TRPC5: variants seen among roughly 807,000 people sequenced by gnomAD.
TRPC5 encodes the protein transient receptor potential cation channel subfamily C member 5.
In TRPC5, 9 loss-of-function variants were observed where a neutral mutation model predicts 56.5. The observed-to-expected ratio is 0.16, with a 90% confidence interval of 0.10 to 0.28. The LOEUF (loss-of-function observed/expected upper bound fraction) is 0.28, where lower values mean the gene tolerates loss of function less well. TRPC5 is among the 10% of genes least tolerant of loss of function. The pLI, the probability that TRPC5 is intolerant of heterozygous loss-of-function variation, is 1.00. For synonymous variants in TRPC5, 282 were observed against 278.5 expected (o/e 1.01, Z -0.13); for missense variants, 469 against 748.9 (o/e 0.63, Z 4.36).
intron 7 of TRPC5, among the ~76,000 whole-genome samples, chrX:111,820,626 A>G (rs1225718455): frequency 8.9e-6 from 1 of 111,824 alleles, no homozygotes; most frequent in Non-Finnish European, 1.9e-5. Flanking sequence ...GGTAGTTGAG[A>G]CAGAGTCCAC....
At chrX:111,881,108 G>GT (rs954948393) in intron 3 of TRPC5, among the ~76,000 whole-genome samples, 3 of 110,442 alleles carry the variant, frequency 2.7e-5, no homozygotes, top group African/African-American at 6.6e-5. Context: ...GGAATGCTAT[G>GT]TTTTTTTGTT....
chrX:111,996,174 G>A (rs1165905106), intron 1 of TRPC5, among the ~76,000 whole-genome samples: 2 of 111,905 alleles, frequency 1.8e-5, no homozygotes, highest in Non-Finnish European at 3.8e-5. Context: ...AGAGATTCTG[G>A]TACATTGTGT....
chrX:111,989,675 C>G (rs1366278103), intron 1 of TRPC5, among the ~76,000 whole-genome samples: 6 of 111,863 alleles, frequency 5.4e-5, no homozygotes, highest in African/African-American at 2.0e-4. Flanking sequence ...GCAGTTCTCT[C>G]TCCATAAAGC....
At chrX:111,825,142 CCTTCCTTTCTTT>C (rs1337730527) in intron 7 of TRPC5, among the ~76,000 whole-genome samples, 1,272 of 77,882 alleles carry the variant, frequency 0.016, 23 homozygotes, top group Non-Finnish European at 0.022. Context: ...TTCCTTCCTT[CCTTCCTTTCTTT>C]CTTTCTTTCT....
chrX:111,996,241 A>G (rs184392080), intron 1 of TRPC5, among the ~76,000 whole-genome samples: 37 of 111,508 alleles, frequency 3.3e-4, no homozygotes, highest in African/African-American at 1.2e-3. Context: ...TTCCTTATTT[A>G]CCCAGTAGTC....
intron 1 of TRPC5, among the ~76,000 whole-genome samples, chrX:111,964,858 C>T (rs1455032050): frequency 8.9e-6 from 1 of 111,818 alleles, no homozygotes; most frequent in African/African-American, 3.3e-5. Context: ...CGGTACCAGC[C>T]ACTGCAAAAA....
At chrX:112,008,544 G>C (rs371761119) in intron 1 of TRPC5, among the ~76,000 whole-genome samples, 2 of 107,587 alleles carry the variant, frequency 1.9e-5, no homozygotes, top group African/African-American at 6.8e-5. Flanking sequence ...AGCTTGCAGT[G>C]AGCCAAGATT....
At chrX:112,013,054 C>A (rs760808585) in intron 1 of TRPC5, among the ~76,000 whole-genome samples, 1 of 112,250 alleles carries the variant, frequency 8.9e-6, no homozygotes, top group African/African-American at 3.2e-5. Context: ...GGCTTCAGTA[C>A]ATTTTGTATT....
chrX:112,010,651 A>G (rs997917438), intron 1 of TRPC5, among the ~76,000 whole-genome samples: 4 of 111,574 alleles, frequency 3.6e-5, no homozygotes, highest in African/African-American at 1.3e-4. Flanking sequence ...TAATTTATAT[A>G]TAATAAAAAT....
chrX:111,950,324 CA>C (rs759300275), intron 2 of TRPC5, among the ~76,000 whole-genome samples: 51 of 94,415 alleles, frequency 5.4e-4, no homozygotes, highest in Admixed American at 4.7e-4. Flanking sequence ...GACTCCATCT[CA>C]AAAAAAAAAA....
At chrX:112,069,777 G>C (rs1346546996) in intron 1 of TRPC5, among the ~76,000 whole-genome samples, 2 of 111,432 alleles carry the variant, frequency 1.8e-5, no homozygotes, top group African/African-American at 6.5e-5. Context: ...GAGTCTCAAG[G>C]GAGCCAAACC....
chrX:111,973,450 T>C (rs1403764125), intron 1 of TRPC5, among the ~76,000 whole-genome samples: 1 of 112,282 alleles, frequency 8.9e-6, no homozygotes, highest in Admixed American at 9.4e-5. Flanking sequence ...ATAATATTTT[T>C]CCTCTGGAGA....
chrX:112,043,687 G>C lies in TRPC5; in HGVS notation c.-22+38192C>G, dbSNP rs377271786. Reference sequence around the variant, plus strand: ...AAGCTAGAGATAGGGAACTCAAGAGGAGAAATGTCCTTGCCTACTATTTCC... The same window carrying C: ...AAGCTAGAGATAGGGAACTCAAGAGCAGAAATGTCCTTGCCTACTATTTCC... On this transcript the variant is annotated intron_variant, in intron 1 of 10. Coordinates refer to ENST00000262839, the MANE Select transcript of TRPC5 (RefSeq NM_012471.3). 6.4e-5 allele frequency among the ~76,000 whole-genome samples: 7 copies of C among 109,257 alleles called. No homozygotes were observed. The East Asian group carries it at 1.4e-3, about 22-fold the overall frequency. The allele number at this position is 109,257 out of a possible 115,157, so 94.9% of individuals were successfully genotyped here. A position where few individuals can be genotyped will look rare whatever the true frequency, so the allele number is the denominator to read the frequency against.
At position 112,021,944 on chromosome X, in the gene TRPC5, T is replaced by C. The variant is rs985008294; in HGVS notation, c.-22+59935A>G. ...CTGTGAAGATTAAGAATACCTGTTC[T>C]TTACCTTTTACAGAATTGTTGTGAG... On this transcript the variant is annotated intron_variant, in intron 1 of 10. Coordinates refer to ENST00000262839, the MANE Select transcript of TRPC5 (RefSeq NM_012471.3). Among the ~76,000 whole-genome samples, 3 of 112,456 alleles carry C rather than the reference T, an allele frequency of 2.7e-5. No individual in the cohort carries two copies. The East Asian group carries it at 8.4e-4, about 31-fold the overall frequency.
intron 1 of TRPC5, among the ~76,000 whole-genome samples, chrX:112,063,430 C>A (rs1195690766): frequency 8.9e-6 from 1 of 112,479 alleles, no homozygotes; most frequent in East Asian, 2.8e-4. Context: ...TGTGGCATAG[C>A]CTGTCTGCCT....
chrX:111,969,849 C>T (rs993200818), intron 1 of TRPC5, among the ~76,000 whole-genome samples: 1 of 110,795 alleles, frequency 9.0e-6, no homozygotes, highest in Non-Finnish European at 1.9e-5. Context: ...ATTGAAGAGA[C>T]ACTCTAGGTT....
At chrX:111,924,096 T>C (rs1339973588) in intron 2 of TRPC5, among the ~76,000 whole-genome samples, 1 of 111,987 alleles carries the variant, frequency 8.9e-6, no homozygotes, top group East Asian at 2.8e-4. Flanking sequence ...TAGTGTGAGA[T>C]TGGATATCAT....
intron 2 of TRPC5, among the ~76,000 whole-genome samples, chrX:111,951,774 C>A (rs749137308): frequency 1.1e-4 from 12 of 111,817 alleles, no homozygotes; most frequent in Non-Finnish European, 2.1e-4. Flanking sequence ...CTTAAATAGT[C>A]TGGAAACAAA....
intron 1 of TRPC5, among the ~76,000 whole-genome samples, chrX:112,002,813 A>G (rs958192965): frequency 1.8e-5 from 2 of 112,506 alleles, no homozygotes; most frequent in African/African-American, 6.5e-5. Flanking sequence ...GATTGGGAGC[A>G]AGCAATCAAT....
Sources: allele counts gnomAD v4.1 joint callset (sites outside exome capture counted in the v4.1 genomes callset), GRCh38; gene constraint gnomAD v4.1.1; transcripts MANE v1.5; gene names NCBI Gene and HGNC (gene_info 2026-07-23, HGNC 2026-07-21).